Variants in GPAT2 observed in about 807,000 individuals in gnomAD.
GPAT2 encodes 1-acylglycerol-3-phosphate O-acyltransferase GPAT2.
GPAT2 carries 51 observed loss-of-function variants against 71.0 expected under a neutral mutation model. The observed-to-expected ratio is 0.72, with a 90% CI of 0.57 to 0.91. The LOEUF (loss-of-function observed/expected upper bound fraction) is 0.91. GPAT2 is among the 40% of genes least tolerant of loss of function. The pLI is 0.00. For synonymous variants in GPAT2, 222 were observed against 290.3 expected (o/e 0.76, Z 2.39); for missense variants, 511 against 666.0 (o/e 0.77, Z 2.56).
rs1477089308 is a variant in GPAT2, at chr2:96,022,939, C to T, written c.2233+19G>A. 6.2e-7 allele frequency: 1 copy of T among 1,613,728 alleles called. No homozygotes were observed. The highest frequency in any genetic ancestry group is 8.5e-7 in the Non-Finnish European group (1 of 1,179,870). ...ACACCACTGCCTGCAGGAGCCTGGG[C>T]TGACTGGTTGGGACTCACCGAAGAT... On this transcript the variant is annotated intron_variant, in intron 20 of 21. Transcript: ENST00000434632.
chr2:96,022,567 G>A (rs1679799135), intron 21 of GPAT2, 101 bp downstream of exon 21: 2 of 1,239,474 alleles, frequency 1.6e-6, no homozygotes, highest in East Asian at 2.3e-5. Flanking sequence ...GCACCATCAG[G>A]CCAGCCCTGT....
At chr2:96,024,988 A>C in intron 13 of GPAT2, 145 bp from the exon 14 acceptor site, 1 of 939,284 alleles carries the variant, frequency 1.1e-6, no homozygotes, top group South Asian at 1.4e-5. Context: ...GGTGTTTATC[A>C]TCACACAGGC....
In GPAT2 at chr2:96,024,694, G is replaced by A. The variant is rs1309080592; in HGVS notation, c.1429-9C>T. The A allele has an allele frequency of 6.2e-7, 1 of 1,613,546 alleles. No homozygotes were observed. The highest frequency in any genetic ancestry group is 8.5e-7 in the Non-Finnish European group (1 of 1,179,866). On this transcript the variant is annotated splice_polypyrimidine_tract_variant and intron_variant, in intron 14 of 21. Coordinates refer to ENST00000434632, the MANE Select transcript of GPAT2 (RefSeq NM_001321527.2). ...TGCGACAGGAACACACCCTGGGTGG[G>A]CAGAGCAGGGCTAGGCAGCAGGGCC...
In GPAT2 at chr2:96,023,414, G is replaced by A; in HGVS notation, c.1941C>T (p.Asp647=). Residue 647 remains aspartate, a synonymous_variant, in exon 18 of 22, where the codon GAC becomes GAT. Coordinates refer to ENST00000434632, the MANE Select transcript of GPAT2 (RefSeq NM_001321527.2). ...EETPGSRPAC[D]TGRQRLSRKL... ...TTCTGCTCAATCGCTGTCGCCCTGT[G>A]TCACAGGCTGGCCGGGAGCCTGGGG... 1 of 1,614,086 alleles carries A rather than the reference G, an allele frequency of 6.2e-7. No individual in the cohort carries two copies. The highest frequency in any genetic ancestry group is 1.3e-5 in the African/African-American group (1 of 75,072).
At chr2:96,024,049 G>A (rs1331767740) in intron 16 of GPAT2, 49 bp from the exon 17 acceptor site, 1 of 1,579,552 alleles carries the variant, frequency 6.3e-7, no homozygotes. Flanking sequence ...AGGCACATGG[G>A]CAGGGGCCTA....
In GPAT2 at chr2:96,024,569, C is replaced by T. The variant is rs1281240128; in HGVS notation, c.1545G>A (p.Leu515=). 1 of 1,613,808 alleles carries T rather than the reference C, an allele frequency of 6.2e-7. No individual in the cohort carries two copies. Among genetic ancestry groups the T allele is most frequent in the African/African-American group, 1.3e-5 (1 of 74,918 alleles). Residue 515 remains leucine (L), a synonymous_variant, in exon 15 of 22, where the codon CTG becomes CTA. Transcript: ENST00000434632. The part of the protein sequence containing the change: ...GQLRSLLQHS[L]SLLRAHVALL... ...GGGCCACGTGCGCCCGCAGCAGGCT[C>T]AGTGAGTGCTGCAGCAGGCTCCGCA...
chr2:96,022,413 G>A, intron 21 of GPAT2, 138 bp from the exon 22 acceptor site: 1 of 1,135,994 alleles, frequency 8.8e-7, no homozygotes, highest in South Asian at 1.6e-5. Flanking sequence ...TGCAAATGCT[G>A]CCGCAAAGCA....
Position 96,026,285 on chromosome 2 carries a change from C to T in GPAT2, c.1053G>A (p.Leu351=), listed in dbSNP as rs1680404641. 2 of 1,575,792 alleles carry T rather than the reference C, an allele frequency of 1.3e-6. No homozygotes were observed. Among genetic ancestry groups the T allele is most frequent in the African/African-American group, 1.4e-5 (1 of 73,354 alleles). ...GTAGGACAGCCAGAGCTCCTGTCCA[C>T]AGCCCCAGGGGGGCCGAGGCCTGCA... is the stretch of plus-strand genomic sequence containing the variant. The part of the protein sequence containing the change: ...DIDHASAPLG[L]WTGALAVLRS... Residue 351 remains leucine, a synonymous_variant, in exon 11 of 22, where the codon CTG becomes CTA. Coordinates refer to ENST00000434632, the MANE Select transcript of GPAT2 (RefSeq NM_001321527.2).
chr2:96,024,307 C>G lies in GPAT2; in HGVS notation c.1718G>C (p.Arg573Thr). 1 of 1,567,402 alleles carries G rather than the reference C, an allele frequency of 6.4e-7. No homozygotes were observed. The highest frequency in any genetic ancestry group is 8.7e-7 in the Non-Finnish European group (1 of 1,154,866). The change falls in exon 16 of 22, where the codon AGA (arginine) becomes ACA (threonine). Residue 573 changes from arginine (R) to threonine (T), a missense_variant. Arg to Thr is a moderately conservative substitution (Grantham distance 71). Transcript: ENST00000434632. ...CTCCCAGGGCCCCTGGGGCGGCACT[C>G]TGCCTGCCAGCAGCCCCCGCACTGC... Reference protein sequence around the residue: ...ACAVRGLLAGRVPPQGPWELQ... With the variant: ...ACAVRGLLAGTVPPQGPWELQ...
Position 96,023,210 on chromosome 2 carries a change from T to G in GPAT2, c.2063A>C (p.His688Pro). 6.2e-7 allele frequency: 1 copy of G among 1,606,460 alleles called. No individual in the cohort carries two copies. The change falls in exon 19 of 22, where the codon CAC (histidine) becomes CCC (proline). Residue 688 changes from histidine to proline, a missense_variant. Transcript: ENST00000434632. ...GAGGAAAAGAAAGAAATCTGGGCAG[T>G]GTGACTGCTGGCTGAGCTGGAGGGG... ...GRYFRLSQQS[H>P]CPDFFLFLCR...
intron 14 of GPAT2, 36 bp downstream of exon 14, chr2:96,024,737 C>G (rs372635750): frequency 8.7e-6 from 14 of 1,613,640 alleles, no homozygotes; most frequent in South Asian, 2.2e-5. Flanking sequence ...GCCACCCCCC[C>G]CACCGCCCAG....
At chr2:96,023,746 C>T in intron 17 of GPAT2, 177 bp downstream of exon 17, 1 of 1,225,700 alleles carries the variant, frequency 8.2e-7, no homozygotes, top group South Asian at 1.6e-5. Context: ...GTGGCTATAT[C>T]CCAAGGCACA....
Position 96,024,762 on chromosome 2 carries a change from G to A in GPAT2, c.1428+11C>T, listed in dbSNP as rs756453014. 3 of 1,613,914 alleles carry A rather than the reference G, an allele frequency of 1.9e-6. No homozygotes were observed. The highest frequency in any genetic ancestry group is 2.5e-6 in the Non-Finnish European group (3 of 1,179,936). On this transcript the variant is annotated intron_variant, in intron 14 of 21. Transcript: ENST00000434632. The stretch of plus-strand genomic sequence containing the variant: ...CCACCGCCCAGGTCCCCACCACATT[G>A]CACCCCCTACCTTCTGATGCTTGAA...
Position 96,025,643 on chromosome 2 carries a change from C to T in GPAT2, c.1239-40G>A, listed in dbSNP as rs771948280. ...CAGATTACAGGATGAAGGGTCCAAACACAAAAACAGCTGTGGGAATGCCTA... is the reference window on the plus strand; with the variant it reads ...CAGATTACAGGATGAAGGGTCCAAATACAAAAACAGCTGTGGGAATGCCTA... On this transcript the variant is annotated intron_variant, in intron 12 of 21. Coordinates refer to ENST00000434632, the MANE Select transcript of GPAT2 (RefSeq NM_001321527.2). 12 of 1,455,848 alleles carry T rather than the reference C, an allele frequency of 8.2e-6. No individual in the cohort carries two copies. In the Admixed American group the frequency reaches 2.4e-4, roughly 29 times the overall value. The allele number at this position is 1,455,848 out of a possible 1,614,324, so 90.2% of individuals were successfully genotyped here. A position where few individuals can be genotyped will look rare whatever the true frequency, so the allele number is the denominator to read the frequency against.
At position 96,026,322 on chromosome 2, in the gene GPAT2, G is replaced by C. The variant is rs1680412261; in HGVS notation, c.1033-17C>G. On this transcript the variant is annotated splice_polypyrimidine_tract_variant and intron_variant, in intron 10 of 21. Transcript: ENST00000434632. ...GGCCGAGGCCTGCAAGGAGGGAAAG[G>C]ATAACTATACTCGCCGAGGACACTG... 3.3e-6 allele frequency: 5 copies of C among 1,504,396 alleles called. No homozygotes were observed. The African/African-American group carries it at 4.3e-5, about 13-fold the overall frequency. The allele number at this position is 1,504,396 out of a possible 1,614,324, so 93.2% of individuals were successfully genotyped here. A position where few individuals can be genotyped will look rare whatever the true frequency, so the allele number is the denominator to read the frequency against.
chr2:96,022,858 C>T (rs1439997385), intron 20 of GPAT2, 100 bp downstream of exon 20: 2 of 1,611,906 alleles, frequency 1.2e-6, no homozygotes, highest in Admixed American at 1.7e-5. Context: ...ACTCTGCAGC[C>T]TGCCTTCCTA....
In GPAT2 at chr2:96,023,383, G is replaced by T. The variant is rs1006601374; in HGVS notation, c.1972C>A (p.Leu658Met). 1 of 1,614,186 alleles carries T rather than the reference G, an allele frequency of 6.2e-7. No homozygotes were observed. Among genetic ancestry groups the T allele is most frequent in the African/African-American group, 1.3e-5 (1 of 75,078 alleles). ...TGRQRLSRKL[L>M]WKPSGDFTDS... ...GTAAAGTCCCCACTCGGTTTCCACAGCAGCTTTCTGCTCAATCGCTGTCGC... is the reference window on the plus strand; with the variant it reads ...GTAAAGTCCCCACTCGGTTTCCACATCAGCTTTCTGCTCAATCGCTGTCGC... Residue 658 changes from leucine to methionine, a missense_variant, in exon 18 of 22, where the codon CTG becomes ATG. Transcript: ENST00000434632.
rs1334855098 is a variant in GPAT2, at chr2:96,022,184, A to T, written c.2381T>A (p.Phe794Tyr). 6.2e-7 allele frequency: 1 copy of T among 1,610,850 alleles called. No homozygotes were observed. Among genetic ancestry groups the T allele is most frequent in the Non-Finnish European group, 8.5e-7 (1 of 1,179,358 alleles). The change falls in exon 22 of 22, where the codon TTC becomes TAC. Residue 794 changes from phenylalanine (F) to tyrosine (Y), a missense_variant. Physicochemically the swap from Phe to Tyr is conservative, Grantham distance 22. Coordinates refer to ENST00000434632, the MANE Select transcript of GPAT2 (RefSeq NM_001321527.2). The stretch of plus-strand genomic sequence containing the variant: ...CTAGCTACAAATGAACTGCCGGATG[A>T]ACTGTTCTAGTTTTTCCTGATTGTC... The part of the protein sequence containing the change: ...SLDNQEKLEQ[F>Y]IRQFICS
chr2:96,024,234 G>T lies in GPAT2; in HGVS notation c.1791C>A (p.Ile597=), dbSNP rs941205195. ...LLSQNELYRQ[I]LLLMHLLPQD... is the part of the protein sequence containing the mutation. ...GCGGCAGCAGGTGCATCAGCAGCAG[G>T]ATCTGGCGGTACAGCTCATTCTGGC... is the stretch of plus-strand genomic sequence containing the variant. The change falls in exon 16 of 22, where the codon ATC becomes ATA. Residue 597 remains isoleucine (I), a synonymous_variant. Transcript: ENST00000434632. The T allele has an allele frequency of 2.9e-5, 45 of 1,549,204 alleles. No individual in the cohort carries two copies. The highest frequency in any genetic ancestry group is 3.8e-5 in the Non-Finnish European group (44 of 1,143,634).
Sources: gnomAD v4.1 joint callset for allele counts on GRCh38, gnomAD v4.1.1 for gene constraint, MANE v1.5 for transcripts, NCBI Gene and HGNC (gene_info 2026-07-23, HGNC 2026-07-21) for gene names.